The following PDE1C variants were observed in gnomAD, a reference collection of about 807,000 sequenced individuals.
PDE1C encodes phosphodiesterase 1C.
In PDE1C, 62 loss-of-function variants were observed where a neutral mutation model predicts 93.1. That is an observed-to-expected ratio of 0.67 (90% confidence interval 0.54 to 0.82). PDE1C has a LOEUF of 0.82. Ranked by LOEUF, PDE1C falls within the 40% of genes least tolerant of loss-of-function variation. The pLI, the probability that PDE1C is intolerant of heterozygous loss-of-function variation, is 0.00. For missense variants in PDE1C, 742 were observed against 884.6 expected (o/e 0.84, Z 2.04); for synonymous variants, 325 against 310.1 (o/e 1.05, Z -0.50).
chr7:32,387,148 C>T (rs1784644981), intron 1 of PDE1C, among the ~76,000 whole-genome samples: 1 of 151,194 alleles, frequency 6.6e-6, no homozygotes, highest in Admixed American at 6.6e-5. Flanking sequence ...TCCATTTAAC[C>T]CTGAGTGGAC....
At chr7:32,411,409 G>A (rs746756527) in intron 1 of PDE1C, among the ~76,000 whole-genome samples, 7 of 152,206 alleles carry the variant, frequency 4.6e-5, no homozygotes, top group Non-Finnish European at 8.8e-5. Context: ...TATACAGCAT[G>A]TTACAGTACT....
At chr7:32,282,397 A>T (rs1811699839) in intron 1 of PDE1C, among the ~76,000 whole-genome samples, 1 of 150,020 alleles carries the variant, frequency 6.7e-6, no homozygotes, top group South Asian at 2.1e-4. Flanking sequence ...AATCGCTTGA[A>T]CCCAGGAAGT....
chr7:31,842,740 C>T (rs1011701110), intron 9 of PDE1C, among the ~76,000 whole-genome samples: 5 of 151,530 alleles, frequency 3.3e-5, no homozygotes, highest in Non-Finnish European at 7.4e-5. Context: ...TTTATTTTTT[C>T]TATTTTATTG....
intron 16 of PDE1C, among the ~76,000 whole-genome samples, chr7:31,805,382 A>G (rs555166857): frequency 6.6e-6 from 1 of 151,994 alleles, no homozygotes; most frequent in East Asian, 2.0e-4. Context: ...ATGGGTAATT[A>G]AAACCACAGA....
intron 2 of PDE1C, among the ~76,000 whole-genome samples, chr7:32,007,809 C>G (rs1037522774): frequency 2.0e-5 from 3 of 152,156 alleles, no homozygotes; most frequent in African/African-American, 7.2e-5. Flanking sequence ...TTTGTGCACC[C>G]TCAATACCTA....
At chr7:31,898,021 TGTGTGTG>T (rs1799522439) in intron 2 of PDE1C, among the ~76,000 whole-genome samples, 1 of 18,844 alleles carries the variant, frequency 5.3e-5, no homozygotes, top group African/African-American at 1.2e-4. Context: ...TTGGTTTCTT[TGTGTGTG>T]TGTGTGTGTG....
chr7:31,760,782 A>C (rs971211410), intron 17 of PDE1C, among the ~76,000 whole-genome samples: 13 of 151,956 alleles, frequency 8.6e-5, no homozygotes, highest in African/African-American at 3.1e-4. Flanking sequence ...ACACACACAC[A>C]CACACACACA....
chr7:32,297,960 T>C (rs1460804092), intron 1 of PDE1C, among the ~76,000 whole-genome samples: 1 of 6,576 alleles, frequency 1.5e-4, no homozygotes, highest in African/African-American at 2.6e-4. Flanking sequence ...GTTCAATCTC[T>C]CTCTCTCTCT....
At chr7:31,871,668 C>T (rs907107697) in intron 6 of PDE1C, among the ~76,000 whole-genome samples, 7 of 150,054 alleles carry the variant, frequency 4.7e-5, no homozygotes, top group African/African-American at 1.7e-4. Context: ...ATCATCTTAC[C>T]CCAGTAAGAA....
intron 1 of PDE1C, among the ~76,000 whole-genome samples, chr7:32,254,697 A>G (rs1809657093): frequency 6.6e-6 from 1 of 152,168 alleles, no homozygotes; most frequent in Non-Finnish European, 1.5e-5. Context: ...GTATGTGTAT[A>G]TGCATGTGTG....
intron 7 of PDE1C, 193 bp from the exon 8 acceptor site, chr7:31,850,934 T>G: frequency 1.8e-6 from 1 of 554,198 alleles, no homozygotes; most frequent in Non-Finnish European, 3.3e-6. Context: ...GTTAACAATG[T>G]GTTCAGCAAG....
At chr7:31,735,967 A>C in the PDE1C span, among the ~76,000 whole-genome samples, 1 of 152,164 alleles carries the variant, frequency 6.6e-6, no homozygotes, top group Non-Finnish European at 1.5e-5. Context: ...TCATCTCTAG[A>C]ATACTTATAA....
At chr7:32,140,169 C>A (rs1364297720) in intron 3 of PDE1C, among the ~76,000 whole-genome samples, 1 of 152,194 alleles carries the variant, frequency 6.6e-6, no homozygotes, top group African/African-American at 2.4e-5. Context: ...GGCATTATTT[C>A]ATTTAATCCT....
intron 1 of PDE1C, among the ~76,000 whole-genome samples, chr7:32,374,299 GAAAGAAAGAAGAA>G (rs1168679656): frequency 2.7e-5 from 4 of 149,592 alleles, no homozygotes; most frequent in African/African-American, 1.0e-4. Context: ...AAGAAAGAAA[GAAAGAAAGAAGAA>G]AAGAAAAGAA....
At chr7:31,833,137 C>A (rs551737172) in intron 11 of PDE1C, among the ~76,000 whole-genome samples, 1 of 152,290 alleles carries the variant, frequency 6.6e-6, no homozygotes, top group South Asian at 2.1e-4. Flanking sequence ...GATGGTTTTA[C>A]AAGGGGAAAC....
intron 2 of PDE1C, among the ~76,000 whole-genome samples, chr7:32,024,115 T>C (rs1192691656): frequency 1.3e-5 from 2 of 152,108 alleles, no homozygotes; most frequent in Non-Finnish European, 2.9e-5. Context: ...GGATGTGTCA[T>C]GAGGTTTCTC....
chr7:32,412,455 C>CAAAAAAA (rs34753013), intron 1 of PDE1C, among the ~76,000 whole-genome samples: 1 of 85,524 alleles, frequency 1.2e-5, no homozygotes, highest in African/African-American at 3.5e-5. Flanking sequence ...GACCCTGTCT[C>CAAAAAAA]AAAAAAAAAA....
intron 2 of PDE1C, among the ~76,000 whole-genome samples, chr7:31,916,600 G>C (rs1398133762): frequency 6.6e-6 from 1 of 152,174 alleles, no homozygotes; most frequent in East Asian, 1.9e-4. Flanking sequence ...GCAAGGACAG[G>C]TTACGGGGTA....
At position 32,044,455 on chromosome 7, in the gene PDE1C, A is replaced by T. The variant is rs150490111; in HGVS notation, c.128+7099T>A. On this transcript the variant is annotated intron_variant, in intron 2 of 17. Transcript: ENST00000396191. ...CAAGAAGATAGGCATTTAATGGCCA[A>T]CAGGAAGCCAATGGAGATTTGTTGC... Among the ~76,000 whole-genome samples the T allele has an allele frequency of 4.7e-4, 72 of 152,292 alleles. No homozygotes were observed. The East Asian group carries it at 0.013, about 27-fold the overall frequency.
Sources: gnomAD v4.1 joint callset for allele counts (sites outside exome capture counted in the v4.1 genomes callset) on GRCh38, gnomAD v4.1.1 for gene constraint, MANE v1.5 for transcripts, NCBI Gene and HGNC (gene_info 2026-07-23, HGNC 2026-07-21) for gene names.